Variants in PIK3CG observed in about 807,000 individuals in gnomAD.
PIK3CG encodes phosphatidylinositol 4,5-bisphosphate 3-kinase catalytic subunit gamma isoform.
In PIK3CG, 55 loss-of-function variants were observed where a neutral mutation model predicts 102.3. The ratio of observed to expected loss-of-function variants is 0.54; its 90% CI spans 0.43 to 0.67. PIK3CG has a LOEUF of 0.67. PIK3CG is among the 30% of genes least tolerant of loss of function. The pLI is 0.00. For missense variants in PIK3CG, 1,258 were observed against 1,391.8 expected (o/e 0.90, Z 1.53); for synonymous variants, 552 against 540.0 (o/e 1.02, Z -0.31).
chr7:106,884,130 T>G lies in PIK3CG; in HGVS notation c.2761-25T>G. 2 of 1,483,818 alleles carry G rather than the reference T, an allele frequency of 1.3e-6. No homozygotes were observed. Among genetic ancestry groups the G allele is most frequent in the Non-Finnish European group, 1.9e-6 (2 of 1,062,956 alleles). 91.9% of individuals were successfully genotyped at this position (1,483,818 alleles called of 1,614,324 possible). A position where few individuals can be genotyped will look rare whatever the true frequency, so the allele number is the denominator to read the frequency against. ...ATGCTTTTTGTAGTTAGAAGACAACTAATATTCAAATGCATTTTAATTAGT... is the reference window on the plus strand; with the variant it reads ...ATGCTTTTTGTAGTTAGAAGACAACGAATATTCAAATGCATTTTAATTAGT... On this transcript the variant is annotated intron_variant, in intron 8 of 10. Coordinates refer to ENST00000496166, the MANE Select transcript of PIK3CG (RefSeq NM_001282426.2). The surrounding 1 kb of genome is among the most constrained non-coding windows in gnomAD (Gnocchi z 4.2).
Position 106,874,778 on chromosome 7 carries a change from C to T in PIK3CG, c.2366C>T (p.Pro789Leu), listed in dbSNP as rs1377725634. ...GAAAGCTTTAGAGTTCCATATGATC[C>T]TGGACTGAAAGCAGGAGCGCTGGCA... Reference protein sequence around the residue: ...LPESFRVPYDPGLKAGALAIE... With the variant: ...LPESFRVPYDLGLKAGALAIE... The change falls in exon 5 of 11, where the codon CCT (proline) becomes CTT (leucine). Residue 789 changes from proline (P) to leucine (L), a missense_variant. Transcript: ENST00000496166. This position sits in a 1 kb window ranked among gnomAD's most constrained non-coding sequence, Gnocchi z 4.3. The T allele has an allele frequency of 6.2e-7, 1 of 1,613,536 alleles. No individual in the cohort carries two copies. The highest frequency in any genetic ancestry group is 8.5e-7 in the Non-Finnish European group (1 of 1,179,576).
chr7:106,906,906 A>G lies in PIK3CG; in HGVS notation c.*1519A>G, dbSNP rs1791698046. 1 of 223,586 alleles carries G rather than the reference A, an allele frequency of 4.5e-6. No individual in the cohort carries two copies. Among genetic ancestry groups the G allele is most frequent in the South Asian group, 1.9e-4 (1 of 5,358 alleles). The allele number at this position is 223,586 out of a possible 1,614,324, so 13.9% of individuals were successfully genotyped here. ...TGGCTGCAAAGAAGAATCAACAGGG[A>G]CACTTTTTAAAAACACTCTTATCAG... On this transcript the variant is annotated 3_prime_UTR_variant, in exon 11 of 11. Coordinates refer to ENST00000496166, the MANE Select transcript of PIK3CG (RefSeq NM_001282426.2).
In PIK3CG at chr7:106,868,086, C is replaced by G. The variant is rs569878043; in HGVS notation, c.525C>G (p.Phe175Leu). Residue 175 changes from phenylalanine to leucine, a missense_variant, in exon 2 of 11, where the codon TTC (phenylalanine) becomes TTG (leucine). Around this residue, in one of 2 missense-constraint regions of PIK3CG, gnomAD observed 832 missense variants for 787.5 expected, o/e 1.06. Transcript: ENST00000496166. The surrounding 1 kb of genome is among the most constrained non-coding windows in gnomAD (Gnocchi z 6.2). ...ACGTGCACGACGATGAGCTGGAGTT[C>G]ACGCGCCGTGGCTTGGTGACCCCGC... Reference protein sequence around the residue: ...VSNVHDDELEFTRRGLVTPRM... With the variant: ...VSNVHDDELELTRRGLVTPRM... The G allele has an allele frequency of 6.2e-7, 1 of 1,612,954 alleles. No homozygotes were observed. The highest frequency in any genetic ancestry group is 8.5e-7 in the Non-Finnish European group (1 of 1,179,314).
In PIK3CG at chr7:106,877,612, C is replaced by CTGTTTTGTTTTGTTT. The variant is rs57970232; in HGVS notation, c.2392-1890_2392-1876dup. Among the ~76,000 whole-genome samples the CTGTTTTGTTTTGTTT allele has an allele frequency of 3.5e-4, 53 of 150,556 alleles. No individual in the cohort carries two copies. The highest frequency in any genetic ancestry group is 1.1e-3 in the African/African-American group (45 of 40,976). ...TTTTCAGCACCATGTGTTGAAAAGA[C>CTGTTTTGTTTTGTTT]TGTTTTGTTTTGTTTTGTTTTGTTT... On this transcript the variant is annotated intron_variant, in intron 5 of 10. Coordinates refer to ENST00000496166, the MANE Select transcript of PIK3CG (RefSeq NM_001282426.2). This position sits in a 1 kb window ranked among gnomAD's most constrained non-coding sequence, Gnocchi z 4.5.
chr7:106,877,283 T>C lies in PIK3CG; in HGVS notation c.2392-2236T>C, dbSNP rs1382048753. Among the ~76,000 whole-genome samples the C allele has an allele frequency of 6.6e-6, 1 of 152,200 alleles. No homozygotes were observed. Among genetic ancestry groups the C allele is most frequent in the Admixed American group, 6.5e-5 (1 of 15,282 alleles). ...CTGCCAAGGGACATTTGGCAATGTC[T>C]GAAGACATTGTTGATGGTTATAACT... On this transcript the variant is annotated intron_variant, in intron 5 of 10. Coordinates refer to ENST00000496166, the MANE Select transcript of PIK3CG (RefSeq NM_001282426.2). This position sits in a 1 kb window ranked among gnomAD's most constrained non-coding sequence, Gnocchi z 4.5.
chr7:106,878,783 TA>T, intron 5 of PIK3CG, among the ~76,000 whole-genome samples: 1 of 152,326 alleles, frequency 6.6e-6, no homozygotes, highest in East Asian at 1.9e-4. Flanking sequence ...GGCCCTATAG[TA>T]AAAGCACACA....
chr7:106,886,385 G>A (rs1448068816), intron 10 of PIK3CG, 93 bp downstream of exon 10: 11 of 1,306,740 alleles, frequency 8.4e-6, no homozygotes, highest in Non-Finnish European at 1.2e-5. Flanking sequence ...TCAGCTTGGA[G>A]GCCAGTCCAG....
At chr7:106,898,225 G>C (rs911333457) in intron 10 of PIK3CG, among the ~76,000 whole-genome samples, 1 of 152,070 alleles carries the variant, frequency 6.6e-6, no homozygotes, top group Non-Finnish European at 1.5e-5. Flanking sequence ...TTCTTAATGG[G>C]ATTGTTTTTC....
chr7:106,883,509 T>C lies in PIK3CG; in HGVS notation c.2760+346T>C, dbSNP rs1791002182. ...ATATTTAGTTACCATGTATAAACTC[T>C]TACGTACCTGGGAAATACAACATAC... is the stretch of plus-strand genomic sequence containing the variant. On this transcript the variant is annotated intron_variant, in intron 8 of 10. Coordinates refer to ENST00000496166, the MANE Select transcript of PIK3CG (RefSeq NM_001282426.2). The surrounding 1 kb of genome is among the most constrained non-coding windows in gnomAD (Gnocchi z 5.8). 6.6e-6 allele frequency among the ~76,000 whole-genome samples: 1 copy of C among 152,248 alleles called. No individual in the cohort carries two copies. Among genetic ancestry groups the C allele is most frequent in the South Asian group, 2.1e-4 (1 of 4,830 alleles).
rs771976712 is a variant in PIK3CG at position 106,868,145 on chromosome 7, T to C, written c.584T>C (p.Leu195Pro). ...MAEVASRDPKLYAMHPWVTSK... is the reference protein window; with the variant it reads ...MAEVASRDPKPYAMHPWVTSK... ...GAGGTGGCCAGCCGCGACCCCAAGC[T>C]CTACGCCATGCACCCGTGGGTGACG... Residue 195 changes from leucine (L) to proline (P), a missense_variant, in exon 2 of 11, where the codon CTC (leucine) becomes CCC (proline). By Grantham distance (98) the Leu-to-Pro change is moderately conservative. This residue lies in a region of PIK3CG where 832 missense variants were observed against 787.5 expected (regional missense o/e 1.06). Transcript: ENST00000496166. The surrounding 1 kb of genome is among the most constrained non-coding windows in gnomAD (Gnocchi z 6.2). 9.3e-6 allele frequency: 15 copies of C among 1,613,336 alleles called. No homozygotes were observed. Among genetic ancestry groups the C allele is most frequent in the Non-Finnish European group, 1.3e-5 (15 of 1,179,996 alleles).
Position 106,869,280 on chromosome 7 carries a change from A to C in PIK3CG, c.1719A>C (p.Glu573Asp), listed in dbSNP as rs746892044. The C allele has an allele frequency of 4.3e-6, 7 of 1,614,258 alleles. No individual in the cohort carries two copies. The Admixed American group carries it at 1.0e-4, about 23-fold the overall frequency. The change falls in exon 2 of 11, where the codon GAA becomes GAC. Residue 573 changes from glutamate (E) to aspartate (D), a missense_variant. Transcript: ENST00000496166. The surrounding 1 kb of genome is among the most constrained non-coding windows in gnomAD (Gnocchi z 5.3). ...ACCCTCTCACAGCAGAGGACAAAGA[A>C]TTGCTCTGGCATTTTAGATACGAAA... ...PLNPLTAEDKELLWHFRYESL... is the reference protein window; with the variant it reads ...PLNPLTAEDKDLLWHFRYESL...
chr7:106,900,145 T>TGTA (rs1263867428), intron 10 of PIK3CG, among the ~76,000 whole-genome samples: 3 of 152,076 alleles, frequency 2.0e-5, no homozygotes, highest in Admixed American at 6.6e-5. Flanking sequence ...TGTGCATATT[T>TGTA]GTAGTAGTTT....
chr7:106,883,007 A>G lies in PIK3CG; in HGVS notation c.2630-26A>G, dbSNP rs372303306. 6.2e-7 allele frequency: 1 copy of G among 1,611,634 alleles called. No individual in the cohort carries two copies. Among genetic ancestry groups the G allele is most frequent in the Non-Finnish European group, 8.5e-7 (1 of 1,178,730 alleles). On this transcript the variant is annotated intron_variant, in intron 7 of 10. Coordinates refer to ENST00000496166, the MANE Select transcript of PIK3CG (RefSeq NM_001282426.2). The surrounding 1 kb of genome is among the most constrained non-coding windows in gnomAD (Gnocchi z 5.8). ...GGCCAGGTACTGGCCCCCAATCTCC[A>G]TCAGACTCTGTGCATCCTTCTGTAG...
chr7:106,868,041 T>C lies in PIK3CG; in HGVS notation c.480T>C (p.Tyr160=), dbSNP rs2116428931. The C allele has an allele frequency of 6.2e-7, 1 of 1,612,572 alleles. No homozygotes were observed. Residue 160 remains tyrosine, a synonymous_variant, in exon 2 of 11, where the codon TAT becomes TAC. Coordinates refer to ENST00000496166, the MANE Select transcript of PIK3CG (RefSeq NM_001282426.2). The surrounding 1 kb of genome is among the most constrained non-coding windows in gnomAD (Gnocchi z 6.2). ...GGCAGCTCACGGCGCTGATTGGCTA[T>C]GACGTCACTGACGTCAGCAACGTGC... ...FQRQLTALIG[Y]DVTDVSNVHD...
intron 2 of PIK3CG, among the ~76,000 whole-genome samples, chr7:106,870,131 T>C (rs1464716267): frequency 6.6e-6 from 1 of 152,222 alleles, no homozygotes; most frequent in Non-Finnish European, 1.5e-5. Context: ...CAGTCTGGTG[T>C]CAGGATTCTG....
chr7:106,888,764 A>G (rs1480405839), intron 10 of PIK3CG, among the ~76,000 whole-genome samples: 3 of 152,240 alleles, frequency 2.0e-5, no homozygotes, highest in South Asian at 2.1e-4. Flanking sequence ...TTAAGCACAC[A>G]TACAGCATAA....
chr7:106,908,292 T>G lies in PIK3CG; in HGVS notation c.*2905T>G, dbSNP rs574017772. On this transcript the variant is annotated 3_prime_UTR_variant, in exon 11 of 11. Coordinates refer to ENST00000496166, the MANE Select transcript of PIK3CG (RefSeq NM_001282426.2). This position sits in a 1 kb window ranked among gnomAD's most constrained non-coding sequence, Gnocchi z 4.1. ...GCATGGGTCCATGAGACCAGCACTG[T>G]GTGGGTCTGAATGATGGCTTTGGTG... 1.3e-5 allele frequency among the ~76,000 whole-genome samples: 2 copies of G among 152,160 alleles called. No individual in the cohort carries two copies. Among genetic ancestry groups the G allele is most frequent in the Non-Finnish European group, 2.9e-5 (2 of 68,026 alleles).
intron 7 of PIK3CG, 113 bp from the exon 8 acceptor site, chr7:106,882,917 CAAA>C (rs552794683): frequency 0.016 from 6,453 of 406,976 alleles, no homozygotes; most frequent in Middle Eastern, 0.028. Context: ...GCTCTCTGGT[CAAA>C]AAAAAAAAAA....
chr7:106,889,914 A>C (rs1461553427), intron 10 of PIK3CG, among the ~76,000 whole-genome samples: 2 of 152,242 alleles, frequency 1.3e-5, no homozygotes, highest in Non-Finnish European at 2.9e-5. Context: ...TCTATTAGCC[A>C]TTGGAGCAGC....
Sources: gnomAD v4.1 joint callset for allele counts (sites outside exome capture counted in the v4.1 genomes callset) on GRCh38, gnomAD v4.1.1 for gene constraint, gnomAD v4.1.1 regional missense constraint, Gnocchi (gnomAD v3.1) non-coding constraint, MANE v1.5 for transcripts, NCBI Gene and HGNC (gene_info 2026-07-23, HGNC 2026-07-21) for gene names.